KIAA0319L: variants seen among roughly 807,000 people sequenced by gnomAD.
KIAA0319L encodes the protein KIAA0319 like.
A neutral mutation model predicts 120.1 loss-of-function variants in KIAA0319L; 55 were observed. The observed-to-expected ratio is 0.46, with a 90% CI of 0.37 to 0.57. The LOEUF (loss-of-function observed/expected upper bound fraction) is 0.57, where lower values mean the gene tolerates loss of function less well. Among genes scored for constraint, KIAA0319L ranks in the 20% least tolerant of loss-of-function variants. The pLI is 0.00. For missense variants in KIAA0319L, 1,049 were observed against 1,255.3 expected, an observed-to-expected ratio of 0.84 and a Z score of 2.48; for synonymous variants, 398 against 471.9, an observed-to-expected ratio of 0.84 and a Z score of 2.03.
Position 35,506,490 on chromosome 1 carries a change from C to T in KIAA0319L, c.666+122G>A, listed in dbSNP as rs1645209074. On this transcript the variant is annotated intron_variant, in intron 3 of 20. Transcript: ENST00000325722. The surrounding 1 kb of genome is among the most constrained non-coding windows in gnomAD (Gnocchi z 4.0). The stretch of plus-strand genomic sequence containing the variant: ...CACCAAAGAAGCTGACACCAAGCAG[C>T]TTTATATATACACTCCTCAGCCTAT... 1 of 949,788 alleles carries T rather than the reference C, an allele frequency of 1.1e-6. No homozygotes were observed. Among genetic ancestry groups the T allele is most frequent in the Non-Finnish European group, 1.6e-6 (1 of 630,596 alleles). The allele number at this position is 949,788 out of a possible 1,614,324, so 58.8% of individuals were successfully genotyped here.
chr1:35,525,269 C>T (rs1474400589), intron 2 of KIAA0319L, among the ~76,000 whole-genome samples: 1 of 152,090 alleles, frequency 6.6e-6, no homozygotes, highest in African/African-American at 2.4e-5. Flanking sequence ...CACTTAATTC[C>T]ATATCTTTGC....
chr1:35,538,655 A>G (rs980663273), intron 2 of KIAA0319L, among the ~76,000 whole-genome samples: 1 of 151,560 alleles, frequency 6.6e-6, no homozygotes, highest in Non-Finnish European at 1.5e-5. Flanking sequence ...TGAATGTGAG[A>G]TAACACATAT....
chr1:35,483,299 G>A (rs1307944121), intron 3 of KIAA0319L, among the ~76,000 whole-genome samples: 2 of 152,102 alleles, frequency 1.3e-5, no homozygotes, highest in Non-Finnish European at 2.9e-5. Flanking sequence ...TCAGTGACAT[G>A]GCTAAGAAAT....
intron 15 of KIAA0319L, among the ~76,000 whole-genome samples, chr1:35,448,610 G>C (rs539747461): frequency 6.6e-6 from 1 of 152,166 alleles, no homozygotes; most frequent in Non-Finnish European, 1.5e-5. Flanking sequence ...AGTAATGACG[G>C]GAGTGGGGAA....
In KIAA0319L at chr1:35,513,283, TA is replaced by T. The variant is rs1320638681; in HGVS notation, c.143-6149del. Among the ~76,000 whole-genome samples the T allele has an allele frequency of 2.2e-3, 216 of 100,014 alleles. 2 individuals carry two copies. The highest frequency in any genetic ancestry group is 0.02 in the South Asian group (59 of 2,910). The allele number at this position is 100,014 out of a possible 152,430, so 65.6% of individuals were successfully genotyped here. Reference sequence around the variant, plus strand: ...TCTATATAACATATATATATATATATATATATTTTTTTTTTTTTTTTTTTCT... The same window carrying T: ...TCTATATAACATATATATATATATATTATATTTTTTTTTTTTTTTTTTTCT... On this transcript the variant is annotated intron_variant, in intron 2 of 20. Coordinates refer to ENST00000325722, the MANE Select transcript of KIAA0319L (RefSeq NM_024874.5).
chr1:35,505,265 G>T (rs1268772240), intron 3 of KIAA0319L, among the ~76,000 whole-genome samples: 1 of 152,112 alleles, frequency 6.6e-6, no homozygotes, highest in African/African-American at 2.4e-5. Context: ...ATCCAGCTTA[G>T]TATAGTACCT....
At chr1:35,528,489 T>C (rs1309804390) in intron 2 of KIAA0319L, among the ~76,000 whole-genome samples, 5 of 152,206 alleles carry the variant, frequency 3.3e-5, no homozygotes, top group Non-Finnish European at 7.3e-5. Context: ...AGAAGATACT[T>C]GATATGATTT....
chr1:35,544,513 C>A (rs879495647), intron 2 of KIAA0319L, among the ~76,000 whole-genome samples: 2 of 152,102 alleles, frequency 1.3e-5, no homozygotes, highest in Non-Finnish European at 2.9e-5. Context: ...AATTACTCCC[C>A]AAAACTTGTT....
chr1:35,490,730 T>G (rs1424335381), intron 3 of KIAA0319L, among the ~76,000 whole-genome samples: 1 of 152,246 alleles, frequency 6.6e-6, no homozygotes, highest in Non-Finnish European at 1.5e-5. Flanking sequence ...TGATATGTTT[T>G]GGCTCTGTGT....
chr1:35,513,977 T>A (rs1224048045), intron 2 of KIAA0319L, among the ~76,000 whole-genome samples: 1 of 152,232 alleles, frequency 6.6e-6, no homozygotes, highest in East Asian at 1.9e-4. Context: ...AATTCCCATC[T>A]AGAGCTAAAA....
At chr1:35,517,985 C>G (rs1645750991) in intron 2 of KIAA0319L, among the ~76,000 whole-genome samples, 1 of 152,130 alleles carries the variant, frequency 6.6e-6, no homozygotes, top group Non-Finnish European at 1.5e-5. Context: ...TATCACTGAT[C>G]ATTAGAGAAA....
chr1:35,434,820 C>T lies in KIAA0319L; in HGVS notation c.*74G>A. ...CCAGCAGATGCTGGGACAGCAGCTGCCCGCAGACTCGGGAGGTAGGAGGAC... is the reference window on the plus strand; with the variant it reads ...CCAGCAGATGCTGGGACAGCAGCTGTCCGCAGACTCGGGAGGTAGGAGGAC... On this transcript the variant is annotated 3_prime_UTR_variant, in exon 21 of 21. Transcript: ENST00000325722. The T allele has an allele frequency of 7.4e-7, 1 of 1,342,830 alleles. No individual in the cohort carries two copies. Among genetic ancestry groups the T allele is most frequent in the Middle Eastern group, 2.7e-4 (1 of 3,730 alleles). 83.2% of individuals were successfully genotyped at this position (1,342,830 alleles called of 1,614,324 possible).
chr1:35,518,338 G>A (rs548092366), intron 2 of KIAA0319L, among the ~76,000 whole-genome samples: 2 of 152,214 alleles, frequency 1.3e-5, no homozygotes, highest in Non-Finnish European at 2.9e-5. Flanking sequence ...GTGACAGACT[G>A]GATAAAGAAA....
chr1:35,458,702 G>A (rs1299909589), intron 9 of KIAA0319L, among the ~76,000 whole-genome samples: 1 of 152,126 alleles, frequency 6.6e-6, no homozygotes, highest in African/African-American at 2.4e-5. Context: ...ATGCAATACT[G>A]CCAGCAAAGA....
At chr1:35,546,441 A>C (rs1646986986) in intron 2 of KIAA0319L, among the ~76,000 whole-genome samples, 1 of 152,226 alleles carries the variant, frequency 6.6e-6, no homozygotes, top group Non-Finnish European at 1.5e-5. Flanking sequence ...GTTTGGGCAG[A>C]AGCCAGACCT....
intron 2 of KIAA0319L, among the ~76,000 whole-genome samples, chr1:35,549,696 T>C (rs1647126514): frequency 6.6e-6 from 1 of 152,210 alleles, no homozygotes; most frequent in Non-Finnish European, 1.5e-5. Flanking sequence ...TTTGTATGTG[T>C]TAATATATTT....
rs550852144 is a variant in KIAA0319L at position 35,454,107 on chromosome 1, A to C, written c.1780+255T>G. 1.9e-5 allele frequency: 9 copies of C among 474,208 alleles called. No individual in the cohort carries two copies. In the South Asian group the frequency reaches 3.5e-4, roughly 18 times the overall value. 29.4% of individuals were successfully genotyped at this position (474,208 alleles called of 1,614,324 possible). The stretch of plus-strand genomic sequence containing the variant: ...TACTTTTTAGGATTTGGGATGGCAT[A>C]AACTCTATTTCCTAGGTCTCTTTGA... On this transcript the variant is annotated intron_variant, in intron 11 of 20. Transcript: ENST00000325722.
At chr1:35,537,762 T>C (rs1051832848) in intron 2 of KIAA0319L, among the ~76,000 whole-genome samples, 3 of 152,078 alleles carry the variant, frequency 2.0e-5, no homozygotes, top group Non-Finnish European at 4.4e-5. Context: ...TTCTCATCTG[T>C]GTGTAAATGA....
intron 5 of KIAA0319L, among the ~76,000 whole-genome samples, chr1:35,473,975 A>C (rs1483089752): frequency 1.3e-5 from 2 of 152,254 alleles, no homozygotes; most frequent in African/African-American, 4.8e-5. Flanking sequence ...CACATACTTC[A>C]AAGGTGAAAG....
Sources: allele counts gnomAD v4.1 joint callset (sites outside exome capture counted in the v4.1 genomes callset), GRCh38; gene constraint gnomAD v4.1.1; non-coding constraint Gnocchi (gnomAD v3.1); transcripts MANE v1.5; gene names NCBI Gene and HGNC (gene_info 2026-07-23, HGNC 2026-07-21).